Variants in WFDC8 observed in about 807,000 individuals in gnomAD.
The protein encoded by WFDC8 is WAP four-disulfide core domain protein 8.
WFDC8 carries 24 observed loss-of-function variants against 27.0 expected under a neutral mutation model. The observed-to-expected ratio is 0.89, with a 90% CI of 0.64 to 1.25. The LOEUF is 1.25. Ranked by LOEUF, WFDC8 falls within the 50% of genes most tolerant of loss-of-function variation. The pLI is 0.00. For missense variants in WFDC8, 287 were observed against 295.9 expected (o/e 0.97, Z 0.22); for synonymous variants, 106 against 99.7 (o/e 1.06, Z -0.38).
At chr20:45,570,195 A>T (rs907774087) in intron 1 of WFDC8, among the ~76,000 whole-genome samples, 1 of 152,182 alleles carries the variant, frequency 6.6e-6, no homozygotes, top group Admixed American at 6.5e-5. Context: ...AAGTTAAATT[A>T]AAAAAAGAAA....
chr20:45,556,892 A>C (rs946436375), intron 3 of WFDC8, among the ~76,000 whole-genome samples: 1 of 152,214 alleles, frequency 6.6e-6, no homozygotes, highest in African/African-American at 2.4e-5. Flanking sequence ...GCTCAAAAAC[A>C]CTTCCCAAAG....
Position 45,553,166 on chromosome 20 carries a change from A to C in WFDC8, c.556T>G (p.Cys186Gly). Residue 186 changes from cysteine to glycine, a missense_variant, in exon 5 of 6, where the codon TGT (cysteine) becomes GGT (glycine). Coordinates refer to ENST00000289953, the MANE Select transcript of WFDC8 (RefSeq NM_130896.3). ...CAGGCCCTGGCACAAACAAAGCCAC[A>C]CCTGGATTCACAACATTTGTCTGTC... Reference protein sequence around the residue: ...PQTDKCCESRCGFVCARAWTV... With the variant: ...PQTDKCCESRGGFVCARAWTV... 6.2e-7 allele frequency: 1 copy of C among 1,613,694 alleles called. No homozygotes were observed. Among genetic ancestry groups the C allele is most frequent in the Non-Finnish European group, 8.5e-7 (1 of 1,179,738 alleles).
At chr20:45,571,040 T>C (rs942442097) in intron 1 of WFDC8, among the ~76,000 whole-genome samples, 10 of 152,208 alleles carry the variant, frequency 6.6e-5, no homozygotes, top group African/African-American at 2.4e-4. Context: ...TGAGCCTGCT[T>C]GGGTAGGAGT....
intron 1 of WFDC8, among the ~76,000 whole-genome samples, chr20:45,563,761 A>G (rs1299973113): frequency 2.0e-5 from 3 of 152,328 alleles, no homozygotes; most frequent in East Asian, 1.9e-4. Context: ...AATTTTTATT[A>G]TCAAGTCACT....
chr20:45,562,230 G>A lies in WFDC8; in HGVS notation c.27-11C>T. 1 of 1,608,516 alleles carries A rather than the reference G, an allele frequency of 6.2e-7. No individual in the cohort carries two copies. The highest frequency in any genetic ancestry group is 1.3e-5 in the African/African-American group (1 of 74,928). ...TGGAGAGGAAAGTGCCTGTATGGAT[G>A]AGAAGAGAGGTGGGAGTTAAGCACA... On this transcript the variant is annotated splice_polypyrimidine_tract_variant and intron_variant, in intron 1 of 5. Coordinates refer to ENST00000289953, the MANE Select transcript of WFDC8 (RefSeq NM_130896.3).
intron 1 of WFDC8, among the ~76,000 whole-genome samples, chr20:45,573,310 G>A (rs1034751040): frequency 1.3e-5 from 2 of 152,014 alleles, no homozygotes; most frequent in Non-Finnish European, 2.9e-5. Context: ...TGCATATTTT[G>A]TATTTCAATA....
At chr20:45,557,801 C>T (rs1980319919) in intron 3 of WFDC8, among the ~76,000 whole-genome samples, 2 of 152,186 alleles carry the variant, frequency 1.3e-5, no homozygotes, top group South Asian at 4.1e-4. Context: ...ATTACTTTTG[C>T]ATCCAAAGTG....
intron 3 of WFDC8, among the ~76,000 whole-genome samples, chr20:45,557,889 A>T (rs1980323475): frequency 6.6e-6 from 1 of 152,162 alleles, no homozygotes; most frequent in African/African-American, 2.4e-5. Context: ...AAGTGATCTG[A>T]CACTCCCAGC....
At chr20:45,559,651 G>A (rs1055943218) in intron 2 of WFDC8, 4 of 152,198 alleles carry the variant, frequency 2.6e-5, no homozygotes, top group African/African-American at 7.2e-5. Context: ...TAAATGGGGT[G>A]ATGTCTATAA....
In WFDC8 at chr20:45,553,291, G is replaced by T. The variant is rs373535806; in HGVS notation, c.446-15C>A. On this transcript the variant is annotated splice_polypyrimidine_tract_variant and intron_variant, in intron 4 of 5. Coordinates refer to ENST00000289953, the MANE Select transcript of WFDC8 (RefSeq NM_130896.3). Reference sequence around the variant, plus strand: ...TCCATCCTTAACTAAAATAAGAGCAGATGTGAGCTTCTTAAAACCCCACCC... The same window carrying T: ...TCCATCCTTAACTAAAATAAGAGCATATGTGAGCTTCTTAAAACCCCACCC... 26 of 1,607,862 alleles carry T rather than the reference G, an allele frequency of 1.6e-5. No homozygotes were observed. Among genetic ancestry groups the T allele is most frequent in the Non-Finnish European group, 2.2e-5 (26 of 1,176,748 alleles).
At chr20:45,556,714 GC>G in intron 3 of WFDC8, among the ~76,000 whole-genome samples, 1 of 152,166 alleles carries the variant, frequency 6.6e-6, no homozygotes, top group East Asian at 1.9e-4. Flanking sequence ...ATAGGTGGGT[GC>G]CTCATGAACT....
chr20:45,556,735 T>TA (rs903424781), intron 3 of WFDC8, among the ~76,000 whole-genome samples: 5 of 152,102 alleles, frequency 3.3e-5, no homozygotes, highest in African/African-American at 1.2e-4. Flanking sequence ...TGAGCAAAAT[T>TA]AAAAAAATAT....
At chr20:45,559,287 T>C (rs190140731) in intron 2 of WFDC8, among the ~76,000 whole-genome samples, 1 of 152,262 alleles carries the variant, frequency 6.6e-6, no homozygotes, top group African/African-American at 2.4e-5. Flanking sequence ...TTTTCTCTCT[T>C]CTTGAAACCT....
intron 2 of WFDC8, among the ~76,000 whole-genome samples, chr20:45,559,399 C>G (rs6104220): frequency 0.38 from 58,302 of 152,046 alleles, 11,654 homozygotes; most frequent in Non-Finnish European, 0.43. Flanking sequence ...CTGATTTGAC[C>G]CTTGACTCCT....
intron 5 of WFDC8, among the ~76,000 whole-genome samples, chr20:45,552,528 T>A (rs1354254410): frequency 1.3e-5 from 2 of 152,104 alleles, no homozygotes; most frequent in East Asian, 3.9e-4. Context: ...TAGAGGGAAA[T>A]GAGTTGCCCA....
At chr20:45,570,211 A>T (rs1318245398) in intron 1 of WFDC8, among the ~76,000 whole-genome samples, 1 of 152,216 alleles carries the variant, frequency 6.6e-6, no homozygotes, top group Non-Finnish European at 1.5e-5. Context: ...AGAAAATGAC[A>T]TGAATAAAAG....
intron 2 of WFDC8, chr20:45,559,810 G>A (rs1170781489): frequency 1.3e-5 from 2 of 152,338 alleles, no homozygotes; most frequent in African/African-American, 4.8e-5. Flanking sequence ...TACTAACCAG[G>A]TCTGATCCTG....
chr20:45,566,946 C>A (rs890967123), intron 1 of WFDC8, among the ~76,000 whole-genome samples: 13 of 152,076 alleles, frequency 8.5e-5, no homozygotes, highest in African/African-American at 3.1e-4. Flanking sequence ...TTAAAGTCAC[C>A]TCTAGATTGG....
At chr20:45,566,493 C>T (rs916249358) in intron 1 of WFDC8, among the ~76,000 whole-genome samples, 3 of 152,096 alleles carry the variant, frequency 2.0e-5, no homozygotes, top group East Asian at 3.9e-4. Flanking sequence ...TAAACCCTGT[C>T]TCTACTAAAA....
Sources: gnomAD v4.1 joint callset for allele counts (sites outside exome capture counted in the v4.1 genomes callset) on GRCh38, gnomAD v4.1.1 for gene constraint, MANE v1.5 for transcripts, NCBI Gene and HGNC (gene_info 2026-07-23, HGNC 2026-07-21) for gene names.